The following ZNF534 variants were observed in gnomAD, a reference collection of about 807,000 sequenced individuals.
The protein encoded by ZNF534 is zinc finger protein 534, also known as KRAB domain only 3.
In ZNF534, 19 loss-of-function variants were observed where a neutral mutation model predicts 13.6. The ratio of observed to expected loss-of-function variants is 1.40; its 90% CI spans 0.97 to 2.05. The LOEUF is 2.05. ZNF534 is among the 30% of genes most tolerant of loss of function. ZNF534 has a pLI of 0.00. For synonymous variants in ZNF534, 244 were observed against 273.8 expected (o/e 0.89, Z 1.07); for missense variants, 782 against 796.3 (o/e 0.98, Z 0.22).
At chr19:52,435,424 T>G (rs538093729) in intron 4 of ZNF534, among the ~76,000 whole-genome samples, 54 of 152,248 alleles carry the variant, frequency 3.5e-4, no homozygotes, top group African/African-American at 1.1e-3. Context: ...TACATAGTGT[T>G]TGGGAAACTC....
chr19:52,433,368 C>T (rs200731010), intron 2 of ZNF534, among the ~76,000 whole-genome samples: 4,905 of 150,388 alleles, frequency 0.033, 169 homozygotes, highest in African/African-American at 0.079. Context: ...ATTTCTTTCT[C>T]TTTTTGGGGG....
In ZNF534 at chr19:52,438,399, T is replaced by TG. The variant is rs1340578455; in HGVS notation, c.939_940insG (p.Thr314AspfsTer14). The TG allele has an allele frequency of 3.7e-6, 6 of 1,613,408 alleles. No individual in the cohort carries two copies. Among genetic ancestry groups the TG allele is most frequent in the Non-Finnish European group, 5.1e-6 (6 of 1,179,592 alleles). ...AAGCATTTAGTGTGTGTTCCAGTCT[T>TG]ACTGCTCATCTTGTAATCCATACTG... On this transcript the variant is annotated frameshift_variant, in exon 5 of 5. Coordinates refer to ENST00000433050, the MANE Select transcript of ZNF534 (RefSeq NM_001143938.3). LOFTEE classifies it low-confidence loss of function (END_TRUNC).
intron 2 of ZNF534, 119 bp downstream of exon 2, chr19:52,431,608 C>T (rs961515688): frequency 2.3e-6 from 3 of 1,319,246 alleles, no homozygotes; most frequent in East Asian, 4.8e-5. Context: ...TGCACTTACC[C>T]ATGGCTTCTT....
At position 52,442,087 on chromosome 19, in the gene ZNF534, A is replaced by G. The variant is rs553634363; in HGVS notation, c.*2641A>G. Among the ~76,000 whole-genome samples the G allele has an allele frequency of 1.3e-5, 2 of 152,320 alleles. No homozygotes were observed. Among genetic ancestry groups the G allele is most frequent in the East Asian group, 1.9e-4 (1 of 5,190 alleles). On this transcript the variant is annotated 3_prime_UTR_variant, in exon 5 of 5. Coordinates refer to ENST00000433050, the MANE Select transcript of ZNF534 (RefSeq NM_001143938.3). ...ATAAAACGACACAGATGGATTGTATATGCTGAGGATATCCAAGGACCATTA... is the reference window on the plus strand; with the variant it reads ...ATAAAACGACACAGATGGATTGTATGTGCTGAGGATATCCAAGGACCATTA...
rs2059110325 is a variant in ZNF534, at chr19:52,433,976, G to A, written c.37G>A (p.Val13Met). 3 of 1,614,086 alleles carry A rather than the reference G, an allele frequency of 1.9e-6. No individual in the cohort carries two copies. The highest frequency in any genetic ancestry group is 2.5e-6 in the Non-Finnish European group (3 of 1,179,982). Residue 13 changes from valine to methionine, a missense_variant, in exon 3 of 5, where the codon GTG (valine) becomes ATG (methionine). Coordinates refer to ENST00000433050, the MANE Select transcript of ZNF534 (RefSeq NM_001143938.3). ...TTAGGGGCAATTGTCATTCAGCGAT[G>A]TGGCCATAGAATTCTCTCAGGAGGA... The part of the protein sequence containing the change: ...LTQGQLSFSD[V>M]AIEFSQEEWK...
intron 2 of ZNF534, among the ~76,000 whole-genome samples, chr19:52,433,511 C>G (rs1031589290): frequency 6.6e-6 from 1 of 151,984 alleles, no homozygotes; most frequent in Non-Finnish European, 1.5e-5. Context: ...GGACTACAGA[C>G]CCCCACCACC....
At chr19:52,442,590 C>T (rs535712805), downstream of ZNF534, among the ~76,000 whole-genome samples, 16 of 152,304 alleles carry the variant, frequency 1.1e-4, no homozygotes, top group South Asian at 6.2e-4. Flanking sequence ...CCTCTAGCAC[C>T]GCTGGGTTAG....
intron 2 of ZNF534, among the ~76,000 whole-genome samples, chr19:52,433,375 G>T (rs949528613): frequency 7.7e-5 from 8 of 104,250 alleles, no homozygotes; most frequent in East Asian, 4.9e-4. Flanking sequence ...TCTCTTTTTG[G>T]GGGGGGGAGG....
At chr19:52,443,157 C>T (rs1363038331), downstream of ZNF534, among the ~76,000 whole-genome samples, 3 of 152,046 alleles carry the variant, frequency 2.0e-5, no homozygotes, top group East Asian at 3.9e-4. Context: ...GAAGAGAAAA[C>T]ATGCATTTTC....
intron 3 of ZNF534, among the ~76,000 whole-genome samples, chr19:52,434,677 G>C (rs976475424): frequency 1.3e-4 from 20 of 149,602 alleles, no homozygotes; most frequent in African/African-American, 4.2e-4. Flanking sequence ...GCTGCAGTGA[G>C]CTGAGATCAT....
chr19:52,438,726 T>A lies in ZNF534; in HGVS notation c.1266T>A (p.Cys422Ter), dbSNP rs760796766. The A allele has an allele frequency of 1.4e-5, 22 of 1,591,416 alleles. No homozygotes were observed. The East Asian group carries it at 4.8e-4, about 35-fold the overall frequency. ...CNECGKAFRTCSDLTAHLLIH... is the reference protein window; with the variant it reads ...CNECGKAFRT Reference sequence around the variant, plus strand: ...AATGTGGCAAAGCATTTAGAACGTGTTCAGATCTCACTGCCCATCTTCTAA... The same window carrying A: ...AATGTGGCAAAGCATTTAGAACGTGATCAGATCTCACTGCCCATCTTCTAA... Residue 422 changes from cysteine to a stop codon, truncating the protein, a stop_gained, in exon 5 of 5, where the codon TGT becomes TGA. Transcript: ENST00000433050. LOFTEE classifies it low-confidence loss of function (END_TRUNC).
exon 5 of ZNF534, chr19:52,451,335 T>C (rs1327735805): frequency 5.4e-6 from 6 of 1,103,244 alleles, no homozygotes; most frequent in Non-Finnish European, 8.2e-6. Context: ...TTCCTTCCGT[T>C]TCTGCTTCGC....
chr19:52,451,096 AT>A (rs60415281), intron 4 of ZNF534: 541,216 of 578,048 alleles, frequency 0.94, 255,181 homozygotes, highest in African/African-American at 0.98. Flanking sequence ...CACAATATTA[AT>A]TTTTTCCCAC....
intron 4 of ZNF534, chr19:52,451,090 A>T (rs1271518442): frequency 4.5e-6 from 2 of 446,834 alleles, no homozygotes; most frequent in Non-Finnish European, 7.5e-6. Flanking sequence ...CATATACACA[A>T]TATTAATTTT....
intron 4 of ZNF534, among the ~76,000 whole-genome samples, chr19:52,450,674 T>TG (rs1568450457): frequency 3.1e-5 from 1 of 32,466 alleles, no homozygotes. Context: ...TTAGGAGTTT[T>TG]TTTTTTTTTT....
intron 4 of ZNF534, among the ~76,000 whole-genome samples, chr19:52,449,960 G>T (rs1370462530): frequency 6.6e-6 from 1 of 152,108 alleles, no homozygotes; most frequent in Non-Finnish European, 1.5e-5. Context: ...GGCAGACGTT[G>T]CAGTGAGCCA....
chr19:52,438,002 T>G lies in ZNF534; in HGVS notation c.542T>G (p.Ile181Ser), dbSNP rs748470705. Residue 181 changes from isoleucine (I) to serine (S), a missense_variant, in exon 5 of 5, where the codon ATT (isoleucine) becomes AGT (serine). Ile to Ser is a moderately radical substitution (Grantham distance 142). Around this residue, in one of 5 missense-constraint regions of ZNF534, gnomAD observed 591 missense variants for 574.0 expected, o/e 1.03. Coordinates refer to ENST00000433050, the MANE Select transcript of ZNF534 (RefSeq NM_001143938.3). ...TLLPQEQKVH[I>S]REKPYGCNEH... The stretch of plus-strand genomic sequence containing the variant: ...CTCCCACAAGAACAGAAAGTACACA[T>G]TAGGGAAAAGCCTTATGGATGTAAT... 1 of 1,614,104 alleles carries G rather than the reference T, an allele frequency of 6.2e-7. No individual in the cohort carries two copies. The highest frequency in any genetic ancestry group is 8.5e-7 in the Non-Finnish European group (1 of 1,180,026).
intron 4 of ZNF534, among the ~76,000 whole-genome samples, chr19:52,437,401 A>G (rs1281309568): frequency 6.6e-6 from 1 of 152,028 alleles, no homozygotes; most frequent in Non-Finnish European, 1.5e-5. Context: ...GGTGGATCAC[A>G]AGGTCAGGAG....
intron 4 of ZNF534, 38 bp downstream of exon 4, chr19:52,435,247 T>C (rs1011573353): frequency 1.9e-6 from 3 of 1,564,526 alleles, no homozygotes; most frequent in Non-Finnish European, 2.6e-6. Flanking sequence ...GCCCCATAAT[T>C]TTTGTATTTT....
Sources: gnomAD v4.1 joint callset for allele counts (sites outside exome capture counted in the v4.1 genomes callset) on GRCh38, gnomAD v4.1.1 for gene constraint, gnomAD v4.1.1 regional missense constraint, MANE v1.5 for transcripts, NCBI Gene and HGNC (gene_info 2026-07-23, HGNC 2026-07-21) for gene names.